Variants in NRXN1 observed in about 807,000 individuals in gnomAD.
NRXN1 encodes the protein neurexin-1.
NRXN1 carries 39 observed loss-of-function variants against 150.9 expected under a neutral mutation model. That is an observed-to-expected ratio of 0.26 (90% CI 0.20 to 0.34). NRXN1 has a LOEUF of 0.34. Ranked by LOEUF, NRXN1 falls within the 10% of genes least tolerant of loss-of-function variation. The pLI is 1.00. For missense variants in NRXN1, 1,815 were observed against 1,949.9 expected (o/e 0.93, Z 1.30); for synonymous variants, 924 against 757.0 (o/e 1.22, Z -3.62).
intron 22 of NRXN1, among the ~76,000 whole-genome samples, chr2:49,932,303 C>T (rs1025057144): frequency 5.9e-5 from 9 of 152,084 alleles, no homozygotes; most frequent in Non-Finnish European, 1.3e-4. Context: ...TGCCTGTAGT[C>T]TCAGCTTCTG....
At chr2:50,393,833 C>A (rs979464151) in intron 17 of NRXN1, among the ~76,000 whole-genome samples, 1 of 151,882 alleles carries the variant, frequency 6.6e-6, no homozygotes, top group Non-Finnish European at 1.5e-5. Flanking sequence ...AAGAATTATG[C>A]GAGAAAAATC....
At chr2:50,051,238 T>A (rs989994592) in intron 21 of NRXN1, among the ~76,000 whole-genome samples, 3 of 152,018 alleles carry the variant, frequency 2.0e-5, no homozygotes, top group African/African-American at 7.2e-5. Context: ...AGCTGTTTTG[T>A]ACTTAAAAAT....
intron 2 of NRXN1, among the ~76,000 whole-genome samples, chr2:50,981,867 T>C (rs866800828): frequency 6.6e-6 from 1 of 151,502 alleles, no homozygotes. Context: ...GTGTGTGGTG[T>C]GTAATCTACA....
At chr2:49,945,608 A>G (rs192469171) in intron 21 of NRXN1, among the ~76,000 whole-genome samples, 6 of 150,954 alleles carry the variant, frequency 4.0e-5, no homozygotes, top group South Asian at 2.1e-4. Flanking sequence ...TCATTGTTCA[A>G]CTCCCACTTA....
At chr2:50,433,388 T>C (rs1490172681) in intron 17 of NRXN1, among the ~76,000 whole-genome samples, 1 of 152,214 alleles carries the variant, frequency 6.6e-6, no homozygotes, top group African/African-American at 2.4e-5. Context: ...ATTGCATGTA[T>C]GTTCTGTACT....
At chr2:50,984,134 ATTT>A (rs70958636) in intron 2 of NRXN1, among the ~76,000 whole-genome samples, 5,181 of 72,504 alleles carry the variant, frequency 0.071, 260 homozygotes, top group East Asian at 0.2. Context: ...CGCCAGGCTA[ATTT>A]TTTTTTTTTT....
intron 2 of NRXN1, among the ~76,000 whole-genome samples, chr2:51,020,412 A>G (rs1028186486): frequency 2.6e-5 from 4 of 152,044 alleles, no homozygotes; most frequent in African/African-American, 9.7e-5. Flanking sequence ...AAGCATAATA[A>G]TAAGAGAACT....
intron 17 of NRXN1, among the ~76,000 whole-genome samples, chr2:50,434,039 A>G (rs1358812688): frequency 3.7e-5 from 5 of 135,644 alleles, no homozygotes; most frequent in Non-Finnish European, 3.1e-5. Context: ...CCGGTATCTA[A>G]GCCATTTTTT....
intron 17 of NRXN1, among the ~76,000 whole-genome samples, chr2:50,350,580 T>A (rs988294597): frequency 4.6e-5 from 7 of 152,168 alleles, no homozygotes; most frequent in African/African-American, 1.7e-4. Flanking sequence ...AAGGATCAAC[T>A]GTATTTGTTA....
intron 17 of NRXN1, among the ~76,000 whole-genome samples, chr2:50,345,860 A>G (rs1337459568): frequency 6.6e-6 from 1 of 152,136 alleles, no homozygotes; most frequent in African/African-American, 2.4e-5. Flanking sequence ...AGCATTAATC[A>G]CTGAAGGAGG....
chr2:50,411,124 C>G (rs1040564938), intron 17 of NRXN1, among the ~76,000 whole-genome samples: 3 of 151,958 alleles, frequency 2.0e-5, no homozygotes, highest in African/African-American at 7.3e-5. Context: ...TGCAACCTCC[C>G]TGCCTGATTC....
At chr2:50,363,141 G>T (rs977940646) in intron 17 of NRXN1, among the ~76,000 whole-genome samples, 1 of 152,124 alleles carries the variant, frequency 6.6e-6, no homozygotes. Flanking sequence ...AAAAACCTTA[G>T]AAGAAAACCT....
intron 8 of NRXN1, among the ~76,000 whole-genome samples, chr2:50,618,610 T>C (rs1679427247): frequency 6.6e-6 from 1 of 151,966 alleles, no homozygotes. Context: ...TCATACTTGT[T>C]AGTTGTGTGA....
At chr2:50,131,265 G>C (rs1454933295) in intron 18 of NRXN1, among the ~76,000 whole-genome samples, 3 of 152,158 alleles carry the variant, frequency 2.0e-5, no homozygotes, top group Admixed American at 1.3e-4. Context: ...CTTTGTCCCA[G>C]AGCATCTTAA....
At chr2:50,965,357 C>T (rs771657063) in intron 2 of NRXN1, among the ~76,000 whole-genome samples, 1 of 150,790 alleles carries the variant, frequency 6.6e-6, no homozygotes, top group Non-Finnish European at 1.5e-5. Context: ...AACAGATTGT[C>T]ATAAAGTAGA....
intron 5 of NRXN1, among the ~76,000 whole-genome samples, chr2:50,794,951 T>A (rs966091063): frequency 1.6e-4 from 25 of 152,150 alleles, no homozygotes; most frequent in African/African-American, 5.3e-4. Flanking sequence ...CTTTCATAAA[T>A]GACCTACTTA....
At chr2:50,308,962 T>C (rs1211955948) in intron 17 of NRXN1, among the ~76,000 whole-genome samples, 1 of 152,174 alleles carries the variant, frequency 6.6e-6, no homozygotes, top group African/African-American at 2.4e-5. Context: ...CGAGACATGT[T>C]TGTAAAGCAC....
chr2:49,934,429 G>A (rs1670657829), intron 22 of NRXN1, among the ~76,000 whole-genome samples: 1 of 152,138 alleles, frequency 6.6e-6, no homozygotes, highest in African/African-American at 2.4e-5. Context: ...GTGTAATGGG[G>A]CAGTGTACAA....
chr2:50,000,451 C>T (rs1683728186), intron 21 of NRXN1, among the ~76,000 whole-genome samples: 1 of 152,154 alleles, frequency 6.6e-6, no homozygotes, highest in Non-Finnish European at 1.5e-5. Context: ...TTACTAATTT[C>T]ATCCAGCACA....
Sources: allele counts gnomAD v4.1 joint callset (sites outside exome capture counted in the v4.1 genomes callset), GRCh38; gene constraint gnomAD v4.1.1; transcripts MANE v1.5; gene names NCBI Gene and HGNC (gene_info 2026-07-23, HGNC 2026-07-21).